The following AHCTF1 variants were observed in gnomAD, a reference collection of about 807,000 sequenced individuals.
AHCTF1 encodes the protein protein ELYS.
A neutral mutation model predicts 248.4 loss-of-function variants in AHCTF1; 24 were observed. The ratio of observed to expected loss-of-function variants is 0.10; its 90% CI spans 0.07 to 0.14. AHCTF1 has a LOEUF of 0.14. Among genes scored for constraint, AHCTF1 ranks in the 10% least tolerant of loss-of-function variants. AHCTF1 has a pLI of 1.00. For synonymous variants in AHCTF1, 786 were observed against 929.8 expected (o/e 0.85, Z 2.81); for missense variants, 2,206 against 2,636.2 (o/e 0.84, Z 3.57).
chr1:246,883,666 T>C (rs888460049), intron 21 of AHCTF1, among the ~76,000 whole-genome samples: 1 of 152,208 alleles, frequency 6.6e-6, no homozygotes, highest in African/African-American at 2.4e-5. Flanking sequence ...GACTAGTAAT[T>C]ATTTTTAAAC....
chr1:246,879,352 T>TG (rs1468791092), intron 21 of AHCTF1, among the ~76,000 whole-genome samples: 1 of 152,216 alleles, frequency 6.6e-6, no homozygotes, highest in Admixed American at 6.5e-5. Flanking sequence ...ATAACCTTGA[T>TG]GGAGGGTAAT....
At chr1:246,851,676 CT>C (rs535581690) in intron 32 of AHCTF1, among the ~76,000 whole-genome samples, 1 of 152,026 alleles carries the variant, frequency 6.6e-6, no homozygotes, top group Admixed American at 6.5e-5. Context: ...ACTAGAAATT[CT>C]ACATTTCCCT....
chr1:246,842,747 CAG>C lies in AHCTF1; in HGVS notation c.6553_6554del (p.Leu2185GlyfsTer41), dbSNP rs1384041239. Reference sequence around the variant, plus strand: ...TGATTCGTTTCGCTTTTGGCTTTCCCAGAGTTTCTACTGATTGTGCATCATCT... The same window carrying C: ...TGATTCGTTTCGCTTTTGGCTTTCCCAGTTTCTACTGATTGTGCATCATCT... ...LKDDAQSVET[L>X]GKPKAKRIRT... On this transcript the variant is annotated frameshift_variant, in exon 35 of 36. Coordinates refer to ENST00000648844, the MANE Select transcript of AHCTF1 (RefSeq NM_001323342.2). LOFTEE classifies it high-confidence loss of function. The C allele has an allele frequency of 1.9e-6, 3 of 1,613,738 alleles. No homozygotes were observed. Among genetic ancestry groups the C allele is most frequent in the Admixed American group, 3.3e-5 (2 of 60,000 alleles).
intron 31 of AHCTF1, among the ~76,000 whole-genome samples, chr1:246,854,528 C>A (rs1052134802): frequency 6.6e-6 from 1 of 152,036 alleles, no homozygotes; most frequent in Admixed American, 6.6e-5. Context: ...TTAAAAAGAA[C>A]AGGATTAATC....
intron 1 of AHCTF1, among the ~76,000 whole-genome samples, chr1:246,930,393 G>A (rs1026546295): frequency 1.3e-5 from 2 of 152,046 alleles, no homozygotes; most frequent in African/African-American, 4.8e-5. Context: ...GTTACTGAAG[G>A]ATCAGGATCC....
At chr1:246,853,842 T>C (rs980165888) in intron 31 of AHCTF1, among the ~76,000 whole-genome samples, 4 of 149,630 alleles carry the variant, frequency 2.7e-5, no homozygotes, top group African/African-American at 1.0e-4. Flanking sequence ...TTCTACACTT[T>C]CAATGGAAAA....
Position 246,867,662 on chromosome 1 carries a change from T to A in AHCTF1, c.3238A>T (p.Ser1080Cys), listed in dbSNP as rs1323496003. 1 of 1,611,430 alleles carries A rather than the reference T, an allele frequency of 6.2e-7. No homozygotes were observed. The highest frequency in any genetic ancestry group is 1.7e-5 in the Admixed American group (1 of 59,858). ...EPINSTTPFN[S>C]SKIEEPSPIV... ...TATGAAACGTGTAAGAAAACATACC[T>A]ATTGAAAGGTGTGGTGCTATTTATA... is the stretch of plus-strand genomic sequence containing the variant. Residue 1080 changes from serine (S) to cysteine (C), a missense_variant and splice_region_variant, in exon 25 of 36, where the codon AGT (serine) becomes TGT (cysteine). By Grantham distance (112) the Ser-to-Cys change is moderately radical. Transcript: ENST00000648844.
intron 16 of AHCTF1, 82 bp downstream of exon 16, chr1:246,890,874 C>A (rs1487947173): frequency 1.4e-5 from 12 of 885,388 alleles, no homozygotes; most frequent in South Asian, 7.2e-5. Flanking sequence ...GAAAAGAAAC[C>A]CAAAGCATTA....
At chr1:246,923,432 CATAA>C (rs942801641) in intron 1 of AHCTF1, among the ~76,000 whole-genome samples, 19 of 148,032 alleles carry the variant, frequency 1.3e-4, no homozygotes, top group African/African-American at 2.9e-4. Flanking sequence ...TAAATAAATA[CATAA>C]ATAAATACAT....
At chr1:246,929,778 G>GC (rs1475746306) in intron 1 of AHCTF1, among the ~76,000 whole-genome samples, 2 of 152,254 alleles carry the variant, frequency 1.3e-5, no homozygotes, top group African/African-American at 4.8e-5. Context: ...TACCAGCCGG[G>GC]CGCGGTGGCT....
chr1:246,862,619 T>C (rs545864005), intron 27 of AHCTF1, among the ~76,000 whole-genome samples: 12 of 152,288 alleles, frequency 7.9e-5, no homozygotes, highest in African/African-American at 2.9e-4. Context: ...ACAAAATTCT[T>C]CCAGAGCTTT....
rs748273760 is a variant in AHCTF1, at chr1:246,857,673, TTC to T, written c.4256+16_4256+17del. On this transcript the variant is annotated intron_variant, in intron 30 of 35. Coordinates refer to ENST00000648844, the MANE Select transcript of AHCTF1 (RefSeq NM_001323342.2). ...AACTTCTTTCTAAAAGTATTTGAATTTCTCTCCATTAACTTACCCTTCATAGA... is the reference window on the plus strand; with the variant it reads ...AACTTCTTTCTAAAAGTATTTGAATTTCTCCATTAACTTACCCTTCATAGA... 4 of 1,583,226 alleles carry T rather than the reference TTC, an allele frequency of 2.5e-6. No homozygotes were observed. Among genetic ancestry groups the T allele is most frequent in the Non-Finnish European group, 3.4e-6 (4 of 1,169,040 alleles).
In AHCTF1 at chr1:246,850,946, T is replaced by C. The variant is rs769854747; in HGVS notation, c.5060A>G (p.Asp1687Gly). ...TTCATGAATGGACTGTTCCATTGTA[T>C]CTGAAGTAATTTCTTTACTTCTTGT... Reference protein sequence around the residue: ...KDTRSKEITSDTMEQSIHETI... With the variant: ...KDTRSKEITSGTMEQSIHETI... The change falls in exon 33 of 36, where the codon GAT (aspartate) becomes GGT (glycine). Residue 1687 changes from aspartate to glycine, a missense_variant. By Grantham distance (94) the Asp-to-Gly change is moderately conservative. Around this residue, in one of 6 missense-constraint regions of AHCTF1, gnomAD observed 955 missense variants for 1,055.6 expected, o/e 0.90. Transcript: ENST00000648844. The C allele has an allele frequency of 6.8e-6, 11 of 1,613,970 alleles. No individual in the cohort carries two copies. The highest frequency in any genetic ancestry group is 9.3e-6 in the Non-Finnish European group (11 of 1,179,848).
rs538426654 is a variant in AHCTF1, at chr1:246,870,952, A to G, written c.3089-3141T>C. Among the ~76,000 whole-genome samples the G allele has an allele frequency of 3.7e-4, 56 of 152,334 alleles. 1 individual carries two copies. The South Asian group carries it at 0.011, about 29-fold the overall frequency. ...GACCCTTTTAAAGAAGACAAACAATACAACTGAGCCTTCGAAAAACTAAAA... is the reference window on the plus strand; with the variant it reads ...GACCCTTTTAAAGAAGACAAACAATGCAACTGAGCCTTCGAAAAACTAAAA... On this transcript the variant is annotated intron_variant, in intron 24 of 35. Transcript: ENST00000648844.
At chr1:246,893,421 T>C (rs1053797263) in intron 14 of AHCTF1, among the ~76,000 whole-genome samples, 1 of 152,230 alleles carries the variant, frequency 6.6e-6, no homozygotes. Context: ...AAAAGTCCAT[T>C]TGTTTACTCA....
rs187599383 is a variant in AHCTF1 at position 246,880,486 on chromosome 1, C to T, written c.2661-3184G>A. On this transcript the variant is annotated intron_variant, in intron 21 of 35. Transcript: ENST00000648844. ...GCCTGAGGCAGGAGAATCACTTGAA[C>T]CCGGGAGGTGGAGGTTACAGTGAGC... 4.4e-3 allele frequency among the ~76,000 whole-genome samples: 661 copies of T among 151,270 alleles called. 5 individuals carry two copies. Among genetic ancestry groups the T allele is most frequent in the Non-Finnish European group, 6.9e-3 (471 of 67,848 alleles).
At chr1:246,903,700 G>A (rs548238413) in intron 7 of AHCTF1, among the ~76,000 whole-genome samples, 13 of 149,874 alleles carry the variant, frequency 8.7e-5, no homozygotes, top group African/African-American at 2.5e-4. Flanking sequence ...TTAGCCAGGC[G>A]TGGTGGCGGG....
chr1:246,918,514 GGCCA>G, intron 1 of AHCTF1, 137 bp from the exon 2 acceptor site: 2 of 865,402 alleles, frequency 2.3e-6, no homozygotes, highest in South Asian at 4.9e-5. Flanking sequence ...AATACATATT[GGCCA>G]GATGCGGAGG....
At chr1:246,879,815 G>C (rs375170246) in intron 21 of AHCTF1, among the ~76,000 whole-genome samples, 1 of 151,182 alleles carries the variant, frequency 6.6e-6, no homozygotes, top group East Asian at 1.9e-4. Context: ...GTGACAAAGT[G>C]AGACTCTGTT....
Sources: gnomAD v4.1 joint callset for allele counts (sites outside exome capture counted in the v4.1 genomes callset) on GRCh38, gnomAD v4.1.1 for gene constraint, gnomAD v4.1.1 regional missense constraint, MANE v1.5 for transcripts, NCBI Gene and HGNC (gene_info 2026-07-23, HGNC 2026-07-21) for gene names.